The following ACAN variants were observed in gnomAD, a reference collection of about 807,000 sequenced individuals.
The protein encoded by ACAN is aggrecan.
In ACAN, 47 loss-of-function variants were observed where a neutral mutation model predicts 169.1. That is an observed-to-expected ratio of 0.28 (90% CI 0.22 to 0.35). The LOEUF is 0.35. Among genes scored for constraint, ACAN ranks in the 10% least tolerant of loss-of-function variants. The pLI is 1.00. For synonymous variants in ACAN, 1,115 were observed against 1,112.2 expected (o/e 1.00, Z -0.05); for missense variants, 2,716 against 2,759.9 (o/e 0.98, Z 0.36).
Position 88,849,212 on chromosome 15 carries a change from G to T in ACAN, c.1733-226G>T, listed in dbSNP as rs1477799372. 6.6e-6 allele frequency among the ~76,000 whole-genome samples: 1 copy of T among 152,220 alleles called. No homozygotes were observed. The highest frequency in any genetic ancestry group is 2.4e-5 in the African/African-American group (1 of 41,456). ...AATTTTGCCTTTTTTGGCACCGAAA[G>T]TCCTATGTACCGGGAAACCCCAGTC... On this transcript the variant is annotated intron_variant, in intron 9 of 18. Transcript: ENST00000560601. This position sits in a 1 kb window ranked among gnomAD's most constrained non-coding sequence, Gnocchi z 5.1.
At position 88,874,620 on chromosome 15, in the gene ACAN, C is replaced by G. The variant is rs1897469118; in HGVS notation, c.*139C>G. Reference sequence around the variant, plus strand: ...ATTAAAGAAGGAAAAAAATAAATCCCACATTTGTGTATGCACCCACTCACC... The same window carrying G: ...ATTAAAGAAGGAAAAAAATAAATCCGACATTTGTGTATGCACCCACTCACC... On this transcript the variant is annotated 3_prime_UTR_variant, in exon 19 of 19. Transcript: ENST00000560601. The surrounding 1 kb of genome is among the most constrained non-coding windows in gnomAD (Gnocchi z 7.3). 1.1e-6 allele frequency: 1 copy of G among 881,020 alleles called. No individual in the cohort carries two copies. The allele number at this position is 881,020 out of a possible 1,614,324, so 54.6% of individuals were successfully genotyped here.
intron 13 of ACAN, among the ~76,000 whole-genome samples, chr15:88,862,754 T>A (rs1401005156): frequency 2.0e-5 from 3 of 152,038 alleles, no homozygotes; most frequent in Non-Finnish European, 1.5e-5. Flanking sequence ...TCCCAGCACT[T>A]TGGGAGGCCA....
rs910876248 is a variant in ACAN, at chr15:88,863,014, A to G, written c.6946+2575A>G. On this transcript the variant is annotated intron_variant, in intron 13 of 18. Coordinates refer to ENST00000560601, the MANE Select transcript of ACAN (RefSeq NM_001369268.1). ...CTCGGTCTCAAAAAAAAAAAAAAAA[A>G]AAAGAAACAAGACCATGGATCAGTA... is the stretch of plus-strand genomic sequence containing the variant. Among the ~76,000 whole-genome samples the G allele has an allele frequency of 7.2e-4, 109 of 151,586 alleles. 1 individual carries two copies. The highest frequency in any genetic ancestry group is 2.3e-3 in the African/African-American group (94 of 41,368).
chr15:88,874,646 C>A lies in ACAN; in HGVS notation c.*165C>A, dbSNP rs1273580389. 1 of 734,092 alleles carries A rather than the reference C, an allele frequency of 1.4e-6. No homozygotes were observed. Among genetic ancestry groups the A allele is most frequent in the Non-Finnish European group, 2.4e-6 (1 of 418,346 alleles). The allele number at this position is 734,092 out of a possible 1,614,324, so 45.5% of individuals were successfully genotyped here. A position where few individuals can be genotyped will look rare whatever the true frequency, so the allele number is the denominator to read the frequency against. Reference sequence around the variant, plus strand: ...ACATTTGTGTATGCACCCACTCACCCCTCCAAATCAGCAAAACCGCATCTA... The same window carrying A: ...ACATTTGTGTATGCACCCACTCACCACTCCAAATCAGCAAAACCGCATCTA... On this transcript the variant is annotated 3_prime_UTR_variant, in exon 19 of 19. Coordinates refer to ENST00000560601, the MANE Select transcript of ACAN (RefSeq NM_001369268.1). This position sits in a 1 kb window ranked among gnomAD's most constrained non-coding sequence, Gnocchi z 7.3.
At position 88,849,502 on chromosome 15, in the gene ACAN, A is replaced by C. The variant is rs1407908678; in HGVS notation, c.1797A>C (p.Glu599Asp). 4 of 1,607,898 alleles carry C rather than the reference A, an allele frequency of 2.5e-6. No homozygotes were observed. Among genetic ancestry groups the C allele is most frequent in the Middle Eastern group, 1.7e-4 (1 of 6,036 alleles). The change falls in exon 10 of 19, where the codon GAA becomes GAC. Residue 599 changes from glutamate to aspartate, a missense_variant. By Grantham distance (45) the Glu-to-Asp change is conservative. Transcript: ENST00000560601. This position sits in a 1 kb window ranked among gnomAD's most constrained non-coding sequence, Gnocchi z 5.1. ...FTFQEALEFC[E>D]SHNATLATTG... is the part of the protein sequence containing the mutation. The stretch of plus-strand genomic sequence containing the variant: ...TCCAGGAAGCACTGGAGTTCTGTGA[A>C]TCTCACAATGCTACGCTGGCCACCA...
intron 11 of ACAN, among the ~76,000 whole-genome samples, chr15:88,854,528 C>T (rs56154910): frequency 6.6e-6 from 1 of 152,280 alleles, no homozygotes; most frequent in African/African-American, 2.4e-5. Flanking sequence ...TGGATGGTGG[C>T]CCCCGCATCT....
At chr15:88,815,655 TTAAAAAA>T (rs1895922752) in intron 1 of ACAN, among the ~76,000 whole-genome samples, 9 of 71,590 alleles carry the variant, frequency 1.3e-4, no homozygotes, top group Admixed American at 5.3e-4. Context: ...TCTGCACTGA[TTAAAAAA>T]AAAAAAAAAA....
At chr15:88,830,528 A>G (rs1896332559) in intron 1 of ACAN, among the ~76,000 whole-genome samples, 1 of 151,958 alleles carries the variant, frequency 6.6e-6, no homozygotes, top group African/African-American at 2.4e-5. Flanking sequence ...TGAATACTGT[A>G]TTTTTACTGT....
chr15:88,833,811 A>C (rs569015501), intron 1 of ACAN, among the ~76,000 whole-genome samples: 25 of 131,416 alleles, frequency 1.9e-4, no homozygotes, highest in African/African-American at 7.4e-4. Context: ...TCCAAGCCCC[A>C]CAGAGCACTC....
At chr15:88,829,262 A>AC (rs1243996417) in intron 1 of ACAN, among the ~76,000 whole-genome samples, 5 of 152,352 alleles carry the variant, frequency 3.3e-5, no homozygotes, top group Non-Finnish European at 5.9e-5. Flanking sequence ...TACAAAAATT[A>AC]CCTTCACAAT....
Position 88,859,404 on chromosome 15 carries a change from A to G in ACAN, c.6819A>G (p.Glu2273=). The G allele has an allele frequency of 1.3e-6, 2 of 1,557,538 alleles. No homozygotes were observed. The highest frequency in any genetic ancestry group is 2.4e-5 in the East Asian group (1 of 41,268). The change falls in exon 12 of 19, where the codon GAA becomes GAG. Residue 2273 remains glutamate, a synonymous_variant. Coordinates refer to ENST00000560601, the MANE Select transcript of ACAN (RefSeq NM_001369268.1). ...CTCCGGAATGGAAACGTGAATCAGA[A>G]TCAACTGCTGCAGGTATTGTGATTT... The part of the protein sequence containing the change: ...PASPEWKRES[E]STAAAPARSC...
At chr15:88,837,782 T>C (rs1896541926) in intron 2 of ACAN, among the ~76,000 whole-genome samples, 1 of 152,102 alleles carries the variant, frequency 6.6e-6, no homozygotes, top group Non-Finnish European at 1.5e-5. Flanking sequence ...CCTTGCCCTG[T>C]GATGTATCTA....
intron 1 of ACAN, among the ~76,000 whole-genome samples, chr15:88,829,206 T>G (rs1396572829): frequency 6.6e-6 from 1 of 151,928 alleles, no homozygotes; most frequent in East Asian, 1.9e-4. Context: ...TTGAAGAAGG[T>G]GGGGAGAAGA....
At position 88,858,988 on chromosome 15, in the gene ACAN, G is replaced by T. The variant is rs1412702284; in HGVS notation, c.6403G>T (p.Ala2135Ser). The change falls in exon 12 of 19, where the codon GCA (alanine) becomes TCA (serine). Residue 2135 changes from alanine (A) to serine (S), a missense_variant. Ala to Ser is a moderately conservative substitution (Grantham distance 99, BLOSUM62 1). Coordinates refer to ENST00000560601, the MANE Select transcript of ACAN (RefSeq NM_001369268.1). This position sits in a 1 kb window ranked among gnomAD's most constrained non-coding sequence, Gnocchi z 4.0. ...GSPDLSETTS[A>S]FHEANLERSS... ...CCCTGATCTGAGTGAAACCACCTCT[G>T]CATTCCACGAAGCTAACCTTGAGAG... 6.2e-7 allele frequency: 1 copy of T among 1,613,968 alleles called. No individual in the cohort carries two copies. Among genetic ancestry groups the T allele is most frequent in the South Asian group, 1.1e-5 (1 of 91,086 alleles).
chr15:88,842,865 CCTCGAATGATG>C (rs1896700592), intron 5 of ACAN, among the ~76,000 whole-genome samples: 1 of 152,114 alleles, frequency 6.6e-6, no homozygotes. Flanking sequence ...AGCTCATGGT[CCTCGAATGATG>C]CTCTTACGGA....
chr15:88,815,811 A>G (rs1325407321), intron 1 of ACAN, among the ~76,000 whole-genome samples: 2 of 152,150 alleles, frequency 1.3e-5, no homozygotes, highest in African/African-American at 2.4e-5. Flanking sequence ...TAGTGTTATA[A>G]TAAAAAGTTA....
rs140556803 is a variant in ACAN, at chr15:88,843,657, C to T, written c.1051+9C>T. ...CGCCATCTGCTACACAGGTGGGGCACGGCTGGTGGTGGGAAGGGAGTTCAT... is the reference window on the plus strand; with the variant it reads ...CGCCATCTGCTACACAGGTGGGGCATGGCTGGTGGTGGGAAGGGAGTTCAT... On this transcript the variant is annotated intron_variant, in intron 6 of 18. Coordinates refer to ENST00000560601, the MANE Select transcript of ACAN (RefSeq NM_001369268.1). This position sits in a 1 kb window ranked among gnomAD's most constrained non-coding sequence, Gnocchi z 4.0. The T allele has an allele frequency of 0.032, 49,271 of 1,557,230 alleles. 908 individuals carry two copies. The highest frequency in any genetic ancestry group is 0.038 in the South Asian group (3,134 of 83,524).
rs935561062 is a variant in ACAN at position 88,843,150 on chromosome 15, T to C, written c.758-205T>C. Reference sequence around the variant, plus strand: ...TTTTGCTGCTTCTTTCTTGGTCCCCTTGTTTTAGGAAATTGATGTCATCCT... The same window carrying C: ...TTTTGCTGCTTCTTTCTTGGTCCCCCTGTTTTAGGAAATTGATGTCATCCT... On this transcript the variant is annotated intron_variant, in intron 5 of 18. Transcript: ENST00000560601. This position sits in a 1 kb window ranked among gnomAD's most constrained non-coding sequence, Gnocchi z 4.0. 6.6e-5 allele frequency among the ~76,000 whole-genome samples: 10 copies of C among 152,192 alleles called. No homozygotes were observed. The highest frequency in any genetic ancestry group is 1.5e-4 in the Non-Finnish European group (10 of 68,038).
rs142975765 is a variant in ACAN at position 88,872,742 on chromosome 15, G to C, written c.7303-139G>C. 2.7e-6 allele frequency: 3 copies of C among 1,095,748 alleles called. No individual in the cohort carries two copies. The East Asian group carries it at 7.8e-5, about 29-fold the overall frequency. 67.9% of individuals were successfully genotyped at this position (1,095,748 alleles called of 1,614,324 possible). A position where few individuals can be genotyped will look rare whatever the true frequency, so the allele number is the denominator to read the frequency against. On this transcript the variant is annotated intron_variant, in intron 16 of 18. Transcript: ENST00000560601. The surrounding 1 kb of genome is among the most constrained non-coding windows in gnomAD (Gnocchi z 5.4). ...CCTGATCAGATTCCCAGCAGTTTTT[G>C]TGCTGCTATCAGATGAGCCTGAAGT...
Sources: allele counts gnomAD v4.1 joint callset (sites outside exome capture counted in the v4.1 genomes callset), GRCh38; gene constraint gnomAD v4.1.1; non-coding constraint Gnocchi (gnomAD v3.1); transcripts MANE v1.5; gene names NCBI Gene and HGNC (gene_info 2026-07-23, HGNC 2026-07-21).